The following COL19A1 variants were observed in gnomAD, a reference collection of about 807,000 sequenced individuals.
COL19A1 encodes collagen type XIX alpha 1 chain.
COL19A1 carries 159 observed loss-of-function variants against 190.2 expected under a neutral mutation model. That is an observed-to-expected ratio of 0.84 (90% CI 0.73 to 0.95). The LOEUF (loss-of-function observed/expected upper bound fraction) is 0.95. Ranked by LOEUF, COL19A1 falls within the 40% of genes least tolerant of loss-of-function variation. The pLI is 0.00. For missense variants in COL19A1, 1,418 were observed against 1,431.9 expected, an observed-to-expected ratio of 0.99 and a Z score of 0.16; for synonymous variants, 509 against 458.9, an observed-to-expected ratio of 1.11 and a Z score of -1.39.
chr6:69,879,394 A>G, intron 1 of COL19A1, 142 bp from the exon 2 acceptor site: 1 of 600,090 alleles, frequency 1.7e-6, no homozygotes, highest in Non-Finnish European at 3.0e-6. Context: ...GAGATACACC[A>G]TTGCATATAT....
At chr6:69,992,906 C>G (rs1173122192) in intron 11 of COL19A1, among the ~76,000 whole-genome samples, 1 of 151,814 alleles carries the variant, frequency 6.6e-6, no homozygotes, top group Admixed American at 6.6e-5. Flanking sequence ...GTGGTGAGAG[C>G]TAGTTTGACT....
chr6:69,896,514 G>A (rs546503903), intron 2 of COL19A1, among the ~76,000 whole-genome samples: 12 of 137,124 alleles, frequency 8.8e-5, no homozygotes, highest in East Asian at 2.3e-4. Flanking sequence ...TCCGCAGTCC[G>A]GCCTGGGCGA....
chr6:69,993,163 T>C (rs1016498228), intron 11 of COL19A1, among the ~76,000 whole-genome samples: 1 of 152,094 alleles, frequency 6.6e-6, no homozygotes. Flanking sequence ...ATTTTAAACA[T>C]GAAGGGAAGT....
rs184222948 is a variant in COL19A1 at position 70,161,901 on chromosome 6, G to T, written c.2294G>T (p.Gly765Val). The change falls in exon 35 of 51, where the codon GGT becomes GTT. Residue 765 changes from glycine to valine, a missense_variant and splice_region_variant. By Grantham distance (109) the Gly-to-Val change is moderately radical (BLOSUM62 -3). Coordinates refer to ENST00000620364, the MANE Select transcript of COL19A1 (RefSeq NM_001858.6). ...TATGATGGGAACTATCTTTTCCAGG[G>T]TCTTCAAGGAATTCCAGGCATTCCA... is the stretch of plus-strand genomic sequence containing the variant. ...PGIPGEKGDE[G>V]LQGIPGIPGA... 3.5e-5 allele frequency: 56 copies of T among 1,606,616 alleles called. No homozygotes were observed. The African/African-American group carries it at 6.0e-4, about 17-fold the overall frequency.
At chr6:70,058,377 G>C (rs934199029) in intron 14 of COL19A1, among the ~76,000 whole-genome samples, 17 of 151,952 alleles carry the variant, frequency 1.1e-4, no homozygotes, top group Non-Finnish European at 2.2e-4. Context: ...TAGGGAACTG[G>C]TTTACTACAA....
At chr6:70,103,149 A>G (rs991645712) in intron 16 of COL19A1, among the ~76,000 whole-genome samples, 9 of 152,114 alleles carry the variant, frequency 5.9e-5, no homozygotes, top group Middle Eastern at 3.2e-3. Context: ...GCTACCACAA[A>G]AGTATAATGT....
intron 9 of COL19A1, among the ~76,000 whole-genome samples, chr6:69,940,871 T>C (rs1344625572): frequency 2.6e-5 from 4 of 152,022 alleles, no homozygotes; most frequent in South Asian, 2.1e-4. Context: ...TTTTAAGGAA[T>C]GGAGGGTGGG....
intron 4 of COL19A1, among the ~76,000 whole-genome samples, chr6:69,922,971 A>C (rs1319680016): frequency 6.6e-6 from 1 of 152,188 alleles, no homozygotes; most frequent in Non-Finnish European, 1.5e-5. Context: ...AGTCTTAACA[A>C]CAGATGGACT....
At chr6:69,988,561 T>C (rs1776433111) in intron 11 of COL19A1, among the ~76,000 whole-genome samples, 1 of 152,258 alleles carries the variant, frequency 6.6e-6, no homozygotes, top group Non-Finnish European at 1.5e-5. Context: ...GCACCTCTTA[T>C]ACCTTTCCAT....
chr6:70,190,874 A>G (rs1313566666), intron 48 of COL19A1, among the ~76,000 whole-genome samples: 1 of 152,248 alleles, frequency 6.6e-6, no homozygotes, highest in Admixed American at 6.5e-5. Context: ...TGTACAGCCT[A>G]CAAACTGAGA....
intron 31 of COL19A1, among the ~76,000 whole-genome samples, chr6:70,152,745 G>C (rs1216504140): frequency 2.6e-5 from 4 of 152,096 alleles, no homozygotes; most frequent in Non-Finnish European, 5.9e-5. Context: ...AGGAACATAG[G>C]TCCTCAGACA....
chr6:70,106,340 G>A (rs1295095310), intron 16 of COL19A1, among the ~76,000 whole-genome samples: 1 of 151,944 alleles, frequency 6.6e-6, no homozygotes, highest in Non-Finnish European at 1.5e-5. Context: ...GTGTGTGTGT[G>A]TGTGTGTGTG....
intron 4 of COL19A1, among the ~76,000 whole-genome samples, chr6:69,916,643 A>G (rs556657556): frequency 6.6e-6 from 1 of 152,328 alleles, no homozygotes; most frequent in Non-Finnish European, 1.5e-5. Context: ...GGAGCCCAAA[A>G]TATGATTCAT....
chr6:70,176,851 T>A lies in COL19A1; in HGVS notation c.2667+287T>A, dbSNP rs3806051. 0.42 allele frequency among the ~76,000 whole-genome samples: 64,353 copies of A among 152,076 alleles called. 13,828 individuals are homozygous for A. The highest frequency in any genetic ancestry group is 0.49 in the Middle Eastern group (144 of 294). Reference sequence around the variant, plus strand: ...CTATACATTAATTTATGAGCACAGCTTTGGAAAGTTTATTGTGTTTCTCTA... The same window carrying A: ...CTATACATTAATTTATGAGCACAGCATTGGAAAGTTTATTGTGTTTCTCTA... On this transcript the variant is annotated intron_variant, in intron 42 of 50. Transcript: ENST00000620364.
intron 2 of COL19A1, among the ~76,000 whole-genome samples, chr6:69,888,479 T>C (rs1769095475): frequency 6.7e-6 from 1 of 150,278 alleles, no homozygotes; most frequent in Non-Finnish European, 1.5e-5. Context: ...CAATTACCTA[T>C]CAGTGAAGAG....
intron 11 of COL19A1, among the ~76,000 whole-genome samples, chr6:69,993,384 T>C (rs370278929): frequency 6.6e-6 from 1 of 152,278 alleles, no homozygotes; most frequent in African/African-American, 2.4e-5. Context: ...AATTTTTGTG[T>C]CTATGTTCTT....
intron 49 of COL19A1, among the ~76,000 whole-genome samples, chr6:70,204,688 G>C (rs1434030032): frequency 1.3e-5 from 2 of 152,046 alleles, no homozygotes; most frequent in East Asian, 3.8e-4. Context: ...TCTTCATTTG[G>C]AATTGCGTTA....
At chr6:69,899,052 A>G (rs1769982622) in intron 3 of COL19A1, 30 bp downstream of exon 3, 1 of 1,437,080 alleles carries the variant, frequency 7.0e-7, no homozygotes, top group Admixed American at 1.7e-5. Flanking sequence ...GCAAAGTAAT[A>G]TTTTATGTAA....
chr6:70,129,532 G>A (rs1242579878), intron 17 of COL19A1, among the ~76,000 whole-genome samples: 2 of 152,170 alleles, frequency 1.3e-5, no homozygotes, highest in Admixed American at 6.5e-5. Context: ...CACATGGGTT[G>A]GTACATTCAT....
Sources: allele counts gnomAD v4.1 joint callset (sites outside exome capture counted in the v4.1 genomes callset), GRCh38; gene constraint gnomAD v4.1.1; transcripts MANE v1.5; gene names NCBI Gene and HGNC (gene_info 2026-07-23, HGNC 2026-07-21).